SLC22A3: variants seen among roughly 807,000 people sequenced by gnomAD.
SLC22A3 encodes solute carrier family 22 member 3.
SLC22A3 carries 51 observed loss-of-function variants against 59.1 expected under a neutral mutation model. The ratio of observed to expected loss-of-function variants is 0.86; its 90% CI spans 0.69 to 1.09. SLC22A3 has a LOEUF of 1.09. SLC22A3 is among the 50% of genes least tolerant of loss of function. SLC22A3 has a pLI of 0.00. For synonymous variants in SLC22A3, 325 were observed against 292.0 expected (o/e 1.11, Z -1.15); for missense variants, 711 against 726.3 (o/e 0.98, Z 0.24).
At chr6:160,400,490 A>T (rs1786727879) in intron 2 of SLC22A3, among the ~76,000 whole-genome samples, 1 of 152,132 alleles carries the variant, frequency 6.6e-6, no homozygotes. Context: ...GTTTAGAGAC[A>T]TAGGTTCACT....
At chr6:160,448,772 G>A (rs1788843104) in intron 10 of SLC22A3, among the ~76,000 whole-genome samples, 1 of 152,266 alleles carries the variant, frequency 6.6e-6, no homozygotes, top group East Asian at 1.9e-4. Context: ...TGTGCCCTCT[G>A]TGGACACAAA....
rs1788373320 is a variant in SLC22A3 at position 160,437,177 on chromosome 6, G to A, written c.1254G>A (p.Gly418=). 3 of 1,613,920 alleles carry A rather than the reference G, an allele frequency of 1.9e-6. No individual in the cohort carries two copies. Among genetic ancestry groups the A allele is most frequent in the Admixed American group, 3.3e-5 (2 of 60,000 alleles). ...LPFAASNIVA[G]VACLVTAFLP... ...TTGCGGCAAGCAATATAGTGGCAGG[G>A]GTGGCATGCCTTGTCACTGCGTTCT... Residue 418 remains glycine, a synonymous_variant, in exon 7 of 11, where the codon GGG becomes GGA. Coordinates refer to ENST00000275300, the MANE Select transcript of SLC22A3 (RefSeq NM_021977.4).
intron 1 of SLC22A3, among the ~76,000 whole-genome samples, chr6:160,375,085 C>G (rs372247196): frequency 2.2e-4 from 34 of 152,308 alleles, no homozygotes; most frequent in Non-Finnish European, 4.4e-4. Context: ...CACCCAAAAC[C>G]TTGGTAGCAG....
At chr6:160,423,452 T>G (rs1378187215) in intron 5 of SLC22A3, among the ~76,000 whole-genome samples, 1 of 152,200 alleles carries the variant, frequency 6.6e-6, no homozygotes, top group African/African-American at 2.4e-5. Context: ...CCACAAACAG[T>G]GTGAAAGTGT....
At position 160,392,520 on chromosome 6, in the gene SLC22A3, C is replaced by G. The variant is rs1704709; in HGVS notation, c.430-5459C>G. Reference sequence around the variant, plus strand: ...GGTGTGTATATGCCTGGTATTCCTCCCAGCCTTCTCGGCATAATGCCAAGC... The same window carrying G: ...GGTGTGTATATGCCTGGTATTCCTCGCAGCCTTCTCGGCATAATGCCAAGC... On this transcript the variant is annotated intron_variant, in intron 1 of 10. Transcript: ENST00000275300. 5.2e-3 allele frequency among the ~76,000 whole-genome samples: 797 copies of G among 152,340 alleles called. 12 individuals carry two copies. In the East Asian group the frequency reaches 0.062, roughly 12 times the overall value.
At chr6:160,398,840 G>A (rs924565337) in intron 2 of SLC22A3, among the ~76,000 whole-genome samples, 3 of 152,160 alleles carry the variant, frequency 2.0e-5, no homozygotes, top group Non-Finnish European at 4.4e-5. Context: ...ACTCATGGCT[G>A]TATCTGGCCT....
At position 160,348,619 on chromosome 6, in the gene SLC22A3, C is replaced by G. The variant is rs1010654557; in HGVS notation, c.200C>G (p.Pro67Arg). 2.7e-6 allele frequency: 4 copies of G among 1,504,554 alleles called. No individual in the cohort carries two copies. The highest frequency in any genetic ancestry group is 1.2e-5 in the South Asian group (1 of 81,014). 93.2% of individuals were successfully genotyped at this position (1,504,554 alleles called of 1,614,324 possible). A position where few individuals can be genotyped will look rare whatever the true frequency, so the allele number is the denominator to read the frequency against. The part of the protein sequence containing the change: ...AALAERCGWS[P>R]EEEWNRTAPA... ...CTGGCCGAGCGCTGCGGCTGGAGCCCGGAGGAGGAGTGGAACCGCACGGCG... is the reference window on the plus strand; with the variant it reads ...CTGGCCGAGCGCTGCGGCTGGAGCCGGGAGGAGGAGTGGAACCGCACGGCG... The change falls in exon 1 of 11, where the codon CCG (proline) becomes CGG (arginine). Residue 67 changes from proline to arginine, a missense_variant. By Grantham distance (103) the Pro-to-Arg change is moderately radical. Coordinates refer to ENST00000275300, the MANE Select transcript of SLC22A3 (RefSeq NM_021977.4).
At chr6:160,401,155 A>G (rs1443222925) in intron 2 of SLC22A3, among the ~76,000 whole-genome samples, 2 of 151,974 alleles carry the variant, frequency 1.3e-5, no homozygotes, top group Non-Finnish European at 2.9e-5. Context: ...TTAAACAATA[A>G]TGACTGAGAA....
chr6:160,392,220 G>A (rs1338054575), intron 1 of SLC22A3, among the ~76,000 whole-genome samples: 1 of 152,142 alleles, frequency 6.6e-6, no homozygotes, highest in African/African-American at 2.4e-5. Context: ...CCACGTTTCT[G>A]TCTCTGTGGC....
chr6:160,352,256 A>G (rs1784686277), intron 1 of SLC22A3, among the ~76,000 whole-genome samples: 1 of 152,260 alleles, frequency 6.6e-6, no homozygotes, highest in South Asian at 2.1e-4. Flanking sequence ...ACATCCCTTT[A>G]TGGCCAGCTC....
rs144605497 is a variant in SLC22A3, at chr6:160,437,480, C to T, written c.1288+269C>T. On this transcript the variant is annotated intron_variant, in intron 7 of 10. Transcript: ENST00000275300. ...GCTGATAGCGATGTGGTTTCTGTTACTCATCTTTATGTGACTTACTTTTGT... is the reference window on the plus strand; with the variant it reads ...GCTGATAGCGATGTGGTTTCTGTTATTCATCTTTATGTGACTTACTTTTGT... Among the ~76,000 whole-genome samples the T allele has an allele frequency of 6.9e-3, 1,044 of 152,302 alleles. 16 individuals are homozygous for T. The highest frequency in any genetic ancestry group is 0.024 in the African/African-American group (1,006 of 41,566).
chr6:160,393,293 TTTA>T (rs1341553102), intron 1 of SLC22A3, among the ~76,000 whole-genome samples: 7 of 151,544 alleles, frequency 4.6e-5, no homozygotes, highest in Admixed American at 2.6e-4. Context: ...TATTTATTTA[TTTA>T]TTATTATTAT....
At chr6:160,349,135 G>A (rs1006584409) in intron 1 of SLC22A3, 7 of 912,624 alleles carry the variant, frequency 7.7e-6, no homozygotes, top group Non-Finnish European at 9.2e-6. Context: ...AACGCCTGGC[G>A]CACGCCTGCT....
chr6:160,354,706 A>G (rs1349716444), intron 1 of SLC22A3, among the ~76,000 whole-genome samples: 1 of 152,198 alleles, frequency 6.6e-6, no homozygotes, highest in Non-Finnish European at 1.5e-5. Context: ...CTATCTACTC[A>G]GAAGGTTGAA....
Position 160,408,923 on chromosome 6 carries a change from T to C in SLC22A3, c.857+2T>C. On this transcript the variant is annotated splice_donor_variant, in intron 4 of 10. Transcript: ENST00000275300. LOFTEE classifies it high-confidence loss of function. ...CTTTCTCTTCCTCCTTTATTACTGG[T>C]AATGTGGTTTTGGTTATCATCATAT... 3.1e-6 allele frequency: 5 copies of C among 1,613,242 alleles called. No individual in the cohort carries two copies. The highest frequency in any genetic ancestry group is 3.4e-6 in the Non-Finnish European group (4 of 1,179,550).
At chr6:160,407,802 C>A (rs1372606811) in intron 3 of SLC22A3, among the ~76,000 whole-genome samples, 1 of 152,146 alleles carries the variant, frequency 6.6e-6, no homozygotes, top group Non-Finnish European at 1.5e-5. Flanking sequence ...CTTTTGGTTC[C>A]ATTTCTAGCT....
intron 2 of SLC22A3, among the ~76,000 whole-genome samples, chr6:160,398,928 C>T (rs890436469): frequency 4.6e-5 from 7 of 152,178 alleles, no homozygotes; most frequent in African/African-American, 1.7e-4. Flanking sequence ...GAGCCCAGCC[C>T]ATGGTGGGTT....
chr6:160,379,677 G>A (rs1785725359), intron 1 of SLC22A3, among the ~76,000 whole-genome samples: 1 of 152,148 alleles, frequency 6.6e-6, no homozygotes, highest in Non-Finnish European at 1.5e-5. Context: ...TGCAGTTAGA[G>A]TCATCAGAAA....
chr6:160,396,211 T>G (rs1786464212), intron 1 of SLC22A3, among the ~76,000 whole-genome samples: 2 of 152,330 alleles, frequency 1.3e-5, no homozygotes, highest in South Asian at 4.1e-4. Context: ...ACTTGAAGTT[T>G]TAAAATCTTC....
Sources: allele counts gnomAD v4.1 joint callset (sites outside exome capture counted in the v4.1 genomes callset), GRCh38; gene constraint gnomAD v4.1.1; transcripts MANE v1.5; gene names NCBI Gene and HGNC (gene_info 2026-07-23, HGNC 2026-07-21).